Variants in SLIT1 observed in about 807,000 individuals in gnomAD.
SLIT1 encodes slit homolog 1 protein.
Under a neutral mutation model 186.1 loss-of-function variants are expected in SLIT1, and 66 were observed. The ratio of observed to expected loss-of-function variants is 0.35; its 90% CI spans 0.29 to 0.44. The LOEUF (loss-of-function observed/expected upper bound fraction) is 0.44, where lower values mean the gene tolerates loss of function less well. SLIT1 is among the 20% of genes least tolerant of loss of function. The pLI, the probability that SLIT1 is intolerant of heterozygous loss-of-function variation, is 1.00. For synonymous variants in SLIT1, 761 were observed against 833.8 expected (o/e 0.91, Z 1.50); for missense variants, 1,638 against 2,037.4 (o/e 0.80, Z 3.77).
At chr10:97,164,756 G>A in intron 2 of SLIT1, 63 bp downstream of exon 2, 1 of 1,268,708 alleles carries the variant, frequency 7.9e-7, no homozygotes, top group South Asian at 1.2e-5. Flanking sequence ...CACAGCCAGG[G>A]CCCTGCCCAG....
intron 12 of SLIT1, 87 bp from the exon 13 acceptor site, chr10:97,056,551 C>G: frequency 2.1e-6 from 3 of 1,408,102 alleles, no homozygotes; most frequent in Non-Finnish European, 3.0e-6. Context: ...TCAGTCCCGG[C>G]CTGCGTTATT....
rs775801026 is a variant in SLIT1 at position 97,011,044 on chromosome 10, T to G, written c.3290A>C (p.Gln1097Pro). ...CRDHRCQNGA[Q>P]CMDEVNSYSC... ...GTAGCTGTTGACTTCATCCATACAC[T>G]GGGCCCCATTCTGGCAGCGGTGGTC... Residue 1097 changes from glutamine (Q) to proline (P), a missense_variant, in exon 31 of 37, where the codon CAG (glutamine) becomes CCG (proline). By Grantham distance (76) the Gln-to-Pro change is moderately conservative. Around this residue, in one of 3 missense-constraint regions of SLIT1, gnomAD observed 1,245 missense variants for 1,535.3 expected, o/e 0.81. Coordinates refer to ENST00000266058, the MANE Select transcript of SLIT1 (RefSeq NM_003061.3). The G allele has an allele frequency of 6.2e-7, 1 of 1,614,048 alleles. No individual in the cohort carries two copies. Among genetic ancestry groups the G allele is most frequent in the Admixed American group, 1.7e-5 (1 of 60,014 alleles).
At chr10:97,056,485 A>G (rs1848837405) in intron 12 of SLIT1, 21 bp from the exon 13 acceptor site, 1 of 1,613,530 alleles carries the variant, frequency 6.2e-7, no homozygotes, top group Admixed American at 1.7e-5. Flanking sequence ...AGCCAGGACC[A>G]AGTGGTGAGG....
rs910549944 is a variant in SLIT1 at position 97,006,371 on chromosome 10, G to A, written c.3579+112C>T. ...ATATGCAAAACGTTTTGATTACACAGAGTCCTTCCAGTTCCCCAGGCACCA... is the reference window on the plus strand; with the variant it reads ...ATATGCAAAACGTTTTGATTACACAAAGTCCTTCCAGTTCCCCAGGCACCA... On this transcript the variant is annotated intron_variant, in intron 32 of 36. Transcript: ENST00000266058. The surrounding 1 kb of genome is among the most constrained non-coding windows in gnomAD (Gnocchi z 4.0). 5 of 712,504 alleles carry A rather than the reference G, an allele frequency of 7.0e-6. No homozygotes were observed. Among genetic ancestry groups the A allele is most frequent in the Non-Finnish European group, 1.2e-5 (5 of 407,392 alleles). 44.1% of individuals were successfully genotyped at this position (712,504 alleles called of 1,614,324 possible).
chr10:97,091,385 G>C (rs1229029681), intron 4 of SLIT1, among the ~76,000 whole-genome samples: 1 of 152,182 alleles, frequency 6.6e-6, no homozygotes, highest in Non-Finnish European at 1.5e-5. Context: ...AGTTACACAC[G>C]AACTTGTAGA....
Position 97,184,188 on chromosome 10 carries a change from C to T in SLIT1, c.197+1290G>A, listed in dbSNP as rs1050525582. Among the ~76,000 whole-genome samples the T allele has an allele frequency of 2.6e-5, 4 of 152,088 alleles. No homozygotes were observed. Among genetic ancestry groups the T allele is most frequent in the African/African-American group, 9.7e-5 (4 of 41,412 alleles). On this transcript the variant is annotated intron_variant, in intron 1 of 36. Coordinates refer to ENST00000266058, the MANE Select transcript of SLIT1 (RefSeq NM_003061.3). The surrounding 1 kb of genome is among the most constrained non-coding windows in gnomAD (Gnocchi z 4.4). The stretch of plus-strand genomic sequence containing the variant: ...GCTGGCCTTGGTACAGAGTCTGATT[C>T]GGGAGACAGCTCTCCTCAGGGTCAG...
chr10:97,100,634 A>AAT (rs1331296422), intron 4 of SLIT1, among the ~76,000 whole-genome samples: 2 of 151,234 alleles, frequency 1.3e-5, no homozygotes, highest in African/African-American at 4.9e-5. Context: ...CTCTGTCTCA[A>AAT]AAAAAAAAAA....
rs1395253594 is a variant in SLIT1, at chr10:97,185,737, G to A, written c.-63C>T. 1 of 1,369,662 alleles carries A rather than the reference G, an allele frequency of 7.3e-7. No homozygotes were observed. The highest frequency in any genetic ancestry group is 1.5e-5 in the African/African-American group (1 of 65,040). 84.8% of individuals were successfully genotyped at this position (1,369,662 alleles called of 1,614,324 possible). A position where few individuals can be genotyped will look rare whatever the true frequency, so the allele number is the denominator to read the frequency against. ...AGCAGCCGCTGACCATCCCCGTCCGGGGCCGCCTCCAGGTGCAGTCCCGGG... is the reference window on the plus strand; with the variant it reads ...AGCAGCCGCTGACCATCCCCGTCCGAGGCCGCCTCCAGGTGCAGTCCCGGG... On this transcript the variant is annotated 5_prime_UTR_variant, in exon 1 of 37. Coordinates refer to ENST00000266058, the MANE Select transcript of SLIT1 (RefSeq NM_003061.3).
intron 28 of SLIT1, among the ~76,000 whole-genome samples, chr10:97,015,483 A>G (rs1048019823): frequency 1.3e-5 from 2 of 152,198 alleles, no homozygotes; most frequent in African/African-American, 4.8e-5. Flanking sequence ...GGCTATAATA[A>G]AACTCCTAAT....
At chr10:97,028,878 G>C (rs1275893373) in intron 25 of SLIT1, among the ~76,000 whole-genome samples, 1 of 152,156 alleles carries the variant, frequency 6.6e-6, no homozygotes, top group East Asian at 1.9e-4. Flanking sequence ...TAGAACCTAG[G>C]ACTGTAAAAT....
At chr10:97,035,048 C>T (rs953572115) in intron 22 of SLIT1, among the ~76,000 whole-genome samples, 7 of 152,316 alleles carry the variant, frequency 4.6e-5, no homozygotes, top group African/African-American at 1.2e-4. Flanking sequence ...GATTCAAAGC[C>T]GGTCCACTGG....
chr10:97,001,596 G>GA (rs1554843710), intron 36 of SLIT1, among the ~76,000 whole-genome samples: 1 of 114,230 alleles, frequency 8.8e-6, no homozygotes, highest in South Asian at 3.3e-4. Context: ...GCTGGAGGGA[G>GA]GGGGGGTCCC....
chr10:97,025,970 G>A (rs773904503), intron 25 of SLIT1, among the ~76,000 whole-genome samples: 2 of 152,134 alleles, frequency 1.3e-5, no homozygotes, highest in Non-Finnish European at 2.9e-5. Context: ...GTCAATGTCT[G>A]GTGAATGAAT....
intron 1 of SLIT1, 115 bp from the exon 2 acceptor site, chr10:97,165,005 G>A (rs1850085058): frequency 1.0e-5 from 8 of 772,604 alleles, no homozygotes; most frequent in African/African-American, 1.7e-5. Context: ...CATCAGCGGG[G>A]CTGGGGGCTT....
intron 4 of SLIT1, among the ~76,000 whole-genome samples, chr10:97,112,030 C>T (rs1399499690): frequency 6.6e-6 from 1 of 152,230 alleles, no homozygotes; most frequent in Non-Finnish European, 1.5e-5. Context: ...CTCACACCCG[C>T]ACCCTGACCT....
At position 97,066,028 on chromosome 10, in the gene SLIT1, C is replaced by T. The variant is rs1335435368; in HGVS notation, c.472G>A (p.Asp158Asn). The T allele has an allele frequency of 6.2e-7, 1 of 1,604,022 alleles. No individual in the cohort carries two copies. The highest frequency in any genetic ancestry group is 8.5e-7 in the Non-Finnish European group (1 of 1,174,394). Residue 158 changes from aspartate (D) to asparagine (N), a missense_variant, in exon 5 of 37, where the codon GAC becomes AAC. By Grantham distance (23) the Asp-to-Asn change is conservative. Coordinates refer to ENST00000266058, the MANE Select transcript of SLIT1 (RefSeq NM_003061.3). Reference protein sequence around the residue: ...IPRKAFRGATDLKNLQLDKNQ... With the variant: ...IPRKAFRGATNLKNLQLDKNQ... ...GCCTGTACTCACAAATTTTTAAGGTCCGTAGCTCCCCGAAAAGCTTTCCTG... is the reference window on the plus strand; with the variant it reads ...GCCTGTACTCACAAATTTTTAAGGTTCGTAGCTCCCCGAAAAGCTTTCCTG...
At chr10:97,071,734 G>A (rs897414646) in intron 4 of SLIT1, among the ~76,000 whole-genome samples, 8 of 152,108 alleles carry the variant, frequency 5.3e-5, no homozygotes, top group Non-Finnish European at 4.4e-5. Flanking sequence ...CAGCGCCCAC[G>A]GGACACGTAT....
intron 4 of SLIT1, among the ~76,000 whole-genome samples, chr10:97,123,896 G>T (rs562508429): frequency 6.6e-6 from 1 of 152,042 alleles, no homozygotes; most frequent in South Asian, 2.1e-4. Context: ...CCACGGCAAA[G>T]CCACAAAGCC....
chr10:97,097,078 C>G (rs1262512203), intron 4 of SLIT1, among the ~76,000 whole-genome samples: 1 of 152,180 alleles, frequency 6.6e-6, no homozygotes, highest in African/African-American at 2.4e-5. Flanking sequence ...AAGAGGCTGA[C>G]CCTGCCTCCG....
Sources: gnomAD v4.1 joint callset for allele counts (sites outside exome capture counted in the v4.1 genomes callset) on GRCh38, gnomAD v4.1.1 for gene constraint, gnomAD v4.1.1 regional missense constraint, Gnocchi (gnomAD v3.1) non-coding constraint, MANE v1.5 for transcripts, NCBI Gene and HGNC (gene_info 2026-07-23, HGNC 2026-07-21) for gene names.